VPS13D: variants seen among roughly 807,000 people sequenced by gnomAD.
VPS13D encodes the protein intermembrane lipid transfer protein VPS13D.
Under a neutral mutation model 461.9 loss-of-function variants are expected in VPS13D, and 187 were observed. The ratio of observed to expected loss-of-function variants is 0.40; its 90% confidence interval spans 0.36 to 0.46. The LOEUF is 0.46. Among genes scored for constraint, VPS13D ranks in the 20% least tolerant of loss-of-function variants. The pLI, the probability that VPS13D is intolerant of heterozygous loss-of-function variation, is 0.60. For synonymous variants in VPS13D, 1,951 were observed against 1,986.3 expected, an observed-to-expected ratio of 0.98 and a Z score of 0.47; for missense variants, 4,711 against 5,364.9, an observed-to-expected ratio of 0.88 and a Z score of 3.81.
At chr1:12,272,391 TG>T (rs3220497) in intron 17 of VPS13D, among the ~76,000 whole-genome samples, 1 of 128,904 alleles carries the variant, frequency 7.8e-6, no homozygotes, top group African/African-American at 3.1e-5. Context: ...TTTTTTGTTT[TG>T]GTGTGTGTGT....
chr1:12,507,070 G>A lies in VPS13D; in HGVS notation c.13012G>A (p.Gly4338Ser), dbSNP rs1484699788. The A allele has an allele frequency of 7.4e-6, 12 of 1,614,058 alleles. No individual in the cohort carries two copies. Among genetic ancestry groups the A allele is most frequent in the East Asian group, 2.2e-5 (1 of 44,902 alleles). The change falls in exon 69 of 70, where the codon GGC (glycine) becomes AGC (serine). Residue 4338 changes from glycine (G) to serine (S), a missense_variant. Physicochemically the swap from Gly to Ser is moderately conservative, Grantham distance 56. This residue lies in a region of VPS13D where 194 missense variants were observed against 220.9 expected (regional missense o/e 0.88). Coordinates refer to ENST00000620676, the MANE Select transcript of VPS13D (RefSeq NM_015378.4). This position sits in a 1 kb window ranked among gnomAD's most constrained non-coding sequence, Gnocchi z 5.3. ...CACGAGCAGTGGAGTGTCCATCCCCGGCCCCTCCCACCAGAAGCCCATGGT... is the reference window on the plus strand; with the variant it reads ...CACGAGCAGTGGAGTGTCCATCCCCAGCCCCTCCCACCAGAAGCCCATGGT... ...VSTSSGVSIP[G>S]PSHQKPMVHV...
At chr1:12,405,895 C>G (rs1644647033) in intron 63 of VPS13D, among the ~76,000 whole-genome samples, 2 of 152,134 alleles carry the variant, frequency 1.3e-5, no homozygotes, top group African/African-American at 2.4e-5. Flanking sequence ...TCAAATTGCT[C>G]CCAGCAGAAA....
rs553107221 is a variant in VPS13D, at chr1:12,342,736, C to T, written c.8733-163C>T. The stretch of plus-strand genomic sequence containing the variant: ...AAGTTGTGATTCAGCACGAAGATAG[C>T]TATAGTTAGCGACCCTCAAGGTCAT... On this transcript the variant is annotated intron_variant, in intron 41 of 69. Coordinates refer to ENST00000620676, the MANE Select transcript of VPS13D (RefSeq NM_015378.4). 22 of 677,278 alleles carry T rather than the reference C, an allele frequency of 3.2e-5. No homozygotes were observed. The African/African-American group carries it at 3.5e-4, about 11-fold the overall frequency. The allele number at this position is 677,278 out of a possible 1,614,324, so 42.0% of individuals were successfully genotyped here.
chr1:12,315,379 C>CA (rs1432335073), intron 30 of VPS13D, among the ~76,000 whole-genome samples: 1 of 152,212 alleles, frequency 6.6e-6, no homozygotes, highest in Non-Finnish European at 1.5e-5. Context: ...ATGATTTCTT[C>CA]ATATGCCTTT....
chr1:12,319,383 T>C, intron 31 of VPS13D, 114 bp from the exon 32 acceptor site: 1 of 1,445,018 alleles, frequency 6.9e-7, no homozygotes, highest in Non-Finnish European at 9.5e-7. Context: ...TGGAGAAAAA[T>C]CTTACTGGTT....
intron 46 of VPS13D, 140 bp from the exon 47 acceptor site, chr1:12,353,830 TAATA>T (rs774786452): frequency 1.7e-5 from 14 of 830,480 alleles, no homozygotes; most frequent in African/African-American, 1.4e-4. Context: ...ATTTATATCT[TAATA>T]AATGTATTTG....
chr1:12,311,401 C>A, intron 27 of VPS13D, 53 bp from the exon 28 acceptor site: 1 of 1,531,176 alleles, frequency 6.5e-7, no homozygotes. Flanking sequence ...TGAGCTATGT[C>A]AGTGTTAAGT....
rs149663017 is a variant in VPS13D at position 12,261,025 on chromosome 1, G to A, written c.1290G>A (p.Leu430=). The change falls in exon 12 of 70, where the codon CTG becomes CTA. Residue 430 remains leucine, a synonymous_variant. Coordinates refer to ENST00000620676, the MANE Select transcript of VPS13D (RefSeq NM_015378.4). ...AACCCGGTGGAGGCAGTGGGATGCT[G>A]CAGTATCTCCAGTCCTGGTTTCCTG... ...APEPGGGSGM[L]QYLQSWFPGW... 7.6e-4 allele frequency: 1,222 copies of A among 1,614,042 alleles called. 23 individuals carry two copies. The South Asian group carries it at 0.012, about 16-fold the overall frequency.
In VPS13D at chr1:12,369,460, A is replaced by C; in HGVS notation, c.10573-7A>C. The C allele has an allele frequency of 1.2e-6, 2 of 1,613,188 alleles. No homozygotes were observed. Among genetic ancestry groups the C allele is most frequent in the Non-Finnish European group, 1.7e-6 (2 of 1,179,598 alleles). On this transcript the variant is annotated splice_region_variant and splice_polypyrimidine_tract_variant and intron_variant, in intron 53 of 69. Transcript: ENST00000620676. ...AGTCCTCTTTGTCCTCTCTGCCATCACTCTAGGTCCCGGTTGTCTTTACTC... is the reference window on the plus strand; with the variant it reads ...AGTCCTCTTTGTCCTCTCTGCCATCCCTCTAGGTCCCGGTTGTCTTTACTC...
chr1:12,290,789 T>C (rs1388609842), intron 22 of VPS13D, among the ~76,000 whole-genome samples: 1 of 152,030 alleles, frequency 6.6e-6, no homozygotes, highest in Non-Finnish European at 1.5e-5. Context: ...CATTGAGACT[T>C]TTTTTTTCCT....
At chr1:12,285,156 A>C (rs1407386654) in intron 21 of VPS13D, among the ~76,000 whole-genome samples, 1 of 152,198 alleles carries the variant, frequency 6.6e-6, no homozygotes, top group Non-Finnish European at 1.5e-5. Context: ...TTGTGAAAAA[A>C]TTCAGATACA....
chr1:12,349,982 T>C (rs1643760466), intron 46 of VPS13D, among the ~76,000 whole-genome samples: 1 of 152,218 alleles, frequency 6.6e-6, no homozygotes, highest in African/African-American at 2.4e-5. Flanking sequence ...CAGGCATTCA[T>C]TTAGTCTAAA....
At chr1:12,394,534 C>T (rs2101670028) in intron 60 of VPS13D, among the ~76,000 whole-genome samples, 1 of 152,256 alleles carries the variant, frequency 6.6e-6, no homozygotes, top group Non-Finnish European at 1.5e-5. Flanking sequence ...GATTGCTGTT[C>T]CCACCGTTAG....
intron 67 of VPS13D, among the ~76,000 whole-genome samples, chr1:12,484,786 G>A (rs1353146125): frequency 1.3e-5 from 2 of 152,088 alleles, no homozygotes; most frequent in Non-Finnish European, 1.5e-5. Context: ...GTGTTTTTAC[G>A]GAGTGTCCTC....
intron 65 of VPS13D, among the ~76,000 whole-genome samples, chr1:12,451,984 G>C (rs935639666): frequency 6.6e-6 from 1 of 152,168 alleles, no homozygotes; most frequent in East Asian, 1.9e-4. Context: ...GAAAACAGAG[G>C]CCCGCAAAGG....
chr1:12,311,485 A>C lies in VPS13D; in HGVS notation c.6682A>C (p.Ile2228Leu). The change falls in exon 28 of 70, where the codon ATC becomes CTC. Residue 2228 changes from isoleucine to leucine, a missense_variant. Ile to Leu is a conservative substitution (Grantham distance 5, BLOSUM62 2). Transcript: ENST00000620676. ...AAGTCATACTGTGCCAGACATATCT[A>C]TCCATGGCAATCTCTCCTCAGTCCA... ...EISHTVPDIS[I>L]HGNLSSVHCS... The C allele has an allele frequency of 6.2e-7, 1 of 1,614,020 alleles. No homozygotes were observed. The highest frequency in any genetic ancestry group is 8.5e-7 in the Non-Finnish European group (1 of 1,180,000).
intron 66 of VPS13D, among the ~76,000 whole-genome samples, chr1:12,458,407 A>G (rs1341351610): frequency 1.3e-5 from 2 of 152,064 alleles, no homozygotes; most frequent in Non-Finnish European, 2.9e-5. Context: ...ACTTTGTTCA[A>G]AAGTTTGGGA....
chr1:12,276,270 A>G lies in VPS13D; in HGVS notation c.2682A>G (p.Leu894=). The change falls in exon 19 of 70, where the codon CTA becomes CTG. Residue 894 remains leucine, a synonymous_variant. Transcript: ENST00000620676. This position sits in a 1 kb window ranked among gnomAD's most constrained non-coding sequence, Gnocchi z 4.5. ...TTAATGAAGATAAAATATCTGCACT[A>G]AAGAATTGCTTTGCTCTCCTCACCA... The part of the protein sequence containing the change: ...IHINEDKISA[L]KNCFALLTTP... The G allele has an allele frequency of 1.9e-6, 3 of 1,614,190 alleles. No homozygotes were observed. Among genetic ancestry groups the G allele is most frequent in the Non-Finnish European group, 2.5e-6 (3 of 1,180,042 alleles).
intron 67 of VPS13D, among the ~76,000 whole-genome samples, chr1:12,483,923 G>T (rs893698671): frequency 1.3e-5 from 2 of 151,876 alleles, no homozygotes; most frequent in Admixed American, 1.3e-4. Flanking sequence ...ACTTGAACCC[G>T]GGATGTGGAG....
Sources: allele counts gnomAD v4.1 joint callset (sites outside exome capture counted in the v4.1 genomes callset), GRCh38; gene constraint gnomAD v4.1.1; regional missense constraint gnomAD v4.1.1; non-coding constraint Gnocchi (gnomAD v3.1); transcripts MANE v1.5; gene names NCBI Gene and HGNC (gene_info 2026-07-23, HGNC 2026-07-21).